The following ELOVL3 variants were observed in gnomAD, a reference collection of about 807,000 sequenced individuals.
ELOVL3 encodes ELOVL fatty acid elongase 3.
ELOVL3 carries 11 observed loss-of-function variants against 14.9 expected under a neutral mutation model. The ratio of observed to expected loss-of-function variants is 0.74; its 90% CI spans 0.46 to 1.22. ELOVL3 has a LOEUF of 1.22. ELOVL3 is among the 50% of genes most tolerant of loss of function. The pLI is 0.00. For missense variants in ELOVL3, 277 were observed against 338.9 expected (o/e 0.82, Z 1.43); for synonymous variants, 117 against 124.7 (o/e 0.94, Z 0.41).
At position 102,228,849 on chromosome 10, in the gene ELOVL3, G is replaced by C. The variant is rs149375895; in HGVS notation, c.410G>C (p.Arg137Pro). 1 of 1,612,952 alleles carries C rather than the reference G, an allele frequency of 6.2e-7. No individual in the cohort carries two copies. The highest frequency in any genetic ancestry group is 1.7e-5 in the Admixed American group (1 of 59,970). The change falls in exon 4 of 4, where the codon CGT (arginine) becomes CCT (proline). Residue 137 changes from arginine to proline, a missense_variant. By Grantham distance (103) the Arg-to-Pro change is moderately radical (BLOSUM62 -2). Transcript: ENST00000370005. ...GGAGACACAGCCTTCATCATCCTGC[G>C]TAAGCGGCCACTCATCTTTATTCAC... ...ELGDTAFIIL[R>P]KRPLIFIHWY...
At chr10:102,227,790 T>C in intron 2 of ELOVL3, 33 bp downstream of exon 2, 4 of 1,609,892 alleles carry the variant, frequency 2.5e-6, no homozygotes, top group Non-Finnish European at 3.4e-6. Context: ...GCCTCTTCTC[T>C]AGATCTTAGA....
Position 102,229,237 on chromosome 10 carries a change from G to A in ELOVL3, c.798G>A (p.Lys266=). The part of the protein sequence containing the change: ...QTYIRPKVKA[K]TKSQ Reference sequence around the variant, plus strand: ...ACATCAGGCCCAAGGTCAAAGCCAAGACCAAGAGCCAGTGAAGGTTTGGAG... The same window carrying A: ...ACATCAGGCCCAAGGTCAAAGCCAAAACCAAGAGCCAGTGAAGGTTTGGAG... Residue 266 remains lysine, a synonymous_variant, in exon 4 of 4, where the codon AAG becomes AAA. Transcript: ENST00000370005. 1 of 1,610,536 alleles carries A rather than the reference G, an allele frequency of 6.2e-7. No individual in the cohort carries two copies. Among genetic ancestry groups the A allele is most frequent in the Non-Finnish European group, 8.5e-7 (1 of 1,177,618 alleles).
upstream of ELOVL3, among the ~76,000 whole-genome samples, chr10:102,225,217 G>A (rs2070127853): frequency 2.0e-5 from 3 of 152,156 alleles, no homozygotes. Flanking sequence ...ATGAGGTACA[G>A]AGACAAAGAG....
Position 102,228,453 on chromosome 10 carries a change from G to T in ELOVL3, c.270G>T (p.Gly90=), listed in dbSNP as rs775586006. 3 of 1,614,084 alleles carry T rather than the reference G, an allele frequency of 1.9e-6. No homozygotes were observed. Among genetic ancestry groups the T allele is most frequent in the Non-Finnish European group, 2.5e-6 (3 of 1,180,000 alleles). Residue 90 remains glycine (G), a synonymous_variant, in exon 3 of 4, where the codon GGG becomes GGT. Coordinates refer to ENST00000370005, the MANE Select transcript of ELOVL3 (RefSeq NM_152310.3). The part of the protein sequence containing the change: ...LGAVRMWGIM[G]TVLLTGGLKQ... ...CAGTGAGGATGTGGGGCATTATGGG[G>T]ACTGTGCTACTTACCGGGGGCCTAA... is the stretch of plus-strand genomic sequence containing the variant.
rs2070179401 is a variant in ELOVL3, at chr10:102,229,410, G to A, written c.*158G>A. ...CTGGAATTTTTGACAGACAAGAAGG[G>A]TGACCTTGGGATGGGGGTGTGGTCT... On this transcript the variant is annotated 3_prime_UTR_variant, in exon 4 of 4. Coordinates refer to ENST00000370005, the MANE Select transcript of ELOVL3 (RefSeq NM_152310.3). The A allele has an allele frequency of 1.5e-6, 1 of 673,754 alleles. No individual in the cohort carries two copies. The highest frequency in any genetic ancestry group is 1.8e-5 in the African/African-American group (1 of 55,158). 41.7% of individuals were successfully genotyped at this position (673,754 alleles called of 1,614,324 possible).
chr10:102,226,504 C>A lies in ELOVL3; in HGVS notation c.-45C>A. ...CGCCATCCTCGGAGCCCCAGCCTTT[C>A]ACCCAGCGCCTCCAAGCTTTGGACC... On this transcript the variant is annotated 5_prime_UTR_variant, in exon 1 of 4. Transcript: ENST00000370005. The A allele has an allele frequency of 7.0e-7, 1 of 1,423,564 alleles. No individual in the cohort carries two copies. The highest frequency in any genetic ancestry group is 9.9e-7 in the Non-Finnish European group (1 of 1,008,196). 88.2% of individuals were successfully genotyped at this position (1,423,564 alleles called of 1,614,324 possible).
In ELOVL3 at chr10:102,229,052, C is replaced by T. The variant is rs2133792049; in HGVS notation, c.613C>T (p.Leu205=). The T allele has an allele frequency of 6.2e-7, 1 of 1,614,232 alleles. No individual in the cohort carries two copies. The highest frequency in any genetic ancestry group is 8.5e-7 in the Non-Finnish European group (1 of 1,180,042). ...PKMLPMLITS[L]QILQMFVGAI... ...GATGCTGCCCATGCTCATCACCAGC[C>T]TGCAGATCTTGCAGATGTTTGTAGG... Residue 205 remains leucine, a synonymous_variant, in exon 4 of 4, where the codon CTG becomes TTG. Coordinates refer to ENST00000370005, the MANE Select transcript of ELOVL3 (RefSeq NM_152310.3).
chr10:102,228,270 A>T, intron 2 of ELOVL3, 147 bp from the exon 3 acceptor site: 1 of 712,016 alleles, frequency 1.4e-6, no homozygotes, highest in Non-Finnish European at 2.3e-6. Context: ...GATTGGCTTC[A>T]GGATCTCAGG....
chr10:102,227,868 A>G lies in ELOVL3; in HGVS notation c.233+111A>G. The G allele has an allele frequency of 5.7e-6, 7 of 1,228,388 alleles. No homozygotes were observed. The South Asian group carries it at 9.5e-5, about 17-fold the overall frequency. The allele number at this position is 1,228,388 out of a possible 1,614,324, so 76.1% of individuals were successfully genotyped here. The stretch of plus-strand genomic sequence containing the variant: ...CCATCCTGTCCCCAAGTTGCCTTGT[A>G]ACACTCTCCCCATCTCATTCTCGGC... On this transcript the variant is annotated intron_variant, in intron 2 of 3. Transcript: ENST00000370005.
chr10:102,228,435 G>T lies in ELOVL3; in HGVS notation c.252G>T (p.Arg84Ser). The T allele has an allele frequency of 6.2e-7, 1 of 1,614,110 alleles. No individual in the cohort carries two copies. The highest frequency in any genetic ancestry group is 8.5e-7 in the Non-Finnish European group (1 of 1,180,004). Reference sequence around the variant, plus strand: ...ATTTCAGTATCCTGGGGGCAGTGAGGATGTGGGGCATTATGGGGACTGTGC... The same window carrying T: ...ATTTCAGTATCCTGGGGGCAGTGAGTATGTGGGGCATTATGGGGACTGTGC... ...LAIFSILGAVRMWGIMGTVLL... is the reference protein window; with the variant it reads ...LAIFSILGAVSMWGIMGTVLL... Residue 84 changes from arginine (R) to serine (S), a missense_variant, in exon 3 of 4, where the codon AGG (arginine) becomes AGT (serine). Transcript: ENST00000370005.
upstream of ELOVL3, among the ~76,000 whole-genome samples, chr10:102,226,084 T>C (rs1247884813): frequency 1.3e-5 from 2 of 151,936 alleles, no homozygotes; most frequent in Non-Finnish European, 2.9e-5. Context: ...GGTTGACAGT[T>C]CCAAGGGAAC....
intron 1 of ELOVL3, among the ~76,000 whole-genome samples, chr10:102,227,113 G>C (rs578245115): frequency 6.6e-6 from 1 of 152,208 alleles, no homozygotes; most frequent in Non-Finnish European, 1.5e-5. Flanking sequence ...CTTTCCCCAG[G>C]AAGAGCTCTC....
chr10:102,226,815 CAA>C (rs1435910149), intron 1 of ELOVL3, among the ~76,000 whole-genome samples, 166 bp downstream of exon 1: 2 of 151,716 alleles, frequency 1.3e-5, no homozygotes, highest in Non-Finnish European at 2.9e-5. Flanking sequence ...TGTGGCACCT[CAA>C]AGAGATTAGA....
chr10:102,228,645 T>C (rs987247784), intron 3 of ELOVL3, 77 bp downstream of exon 3: 1 of 1,549,280 alleles, frequency 6.5e-7, no homozygotes, highest in Admixed American at 1.7e-5. Context: ...ACCCATCCCA[T>C]GGAGGGTCTC....
In ELOVL3 at chr10:102,228,751, C is replaced by A. The variant is rs906254505; in HGVS notation, c.386-74C>A. ...CCTTCCCTCCCCTGAGAATTTCTCC[C>A]GTGTCCCTACATCCAGTGCAGAGGG... On this transcript the variant is annotated intron_variant, in intron 3 of 3. Coordinates refer to ENST00000370005, the MANE Select transcript of ELOVL3 (RefSeq NM_152310.3). 4.7e-6 allele frequency: 7 copies of A among 1,486,138 alleles called. No individual in the cohort carries two copies. The South Asian group carries it at 5.1e-5, about 11-fold the overall frequency. The allele number at this position is 1,486,138 out of a possible 1,614,324, so 92.1% of individuals were successfully genotyped here.
chr10:102,228,841 C>T lies in ELOVL3; in HGVS notation c.402C>T (p.Ile134=), dbSNP rs748565532. 8.1e-6 allele frequency: 13 copies of T among 1,611,278 alleles called. No homozygotes were observed. The highest frequency in any genetic ancestry group is 1.1e-5 in the Non-Finnish European group (13 of 1,178,052). The change falls in exon 4 of 4, where the codon ATC becomes ATT. Residue 134 remains isoleucine, a synonymous_variant. Coordinates refer to ENST00000370005, the MANE Select transcript of ELOVL3 (RefSeq NM_152310.3). ...KVIELGDTAF[I]ILRKRPLIFI... is the part of the protein sequence containing the mutation. ...ATCTCCCAGGAGACACAGCCTTCATCATCCTGCGTAAGCGGCCACTCATCT... is the reference window on the plus strand; with the variant it reads ...ATCTCCCAGGAGACACAGCCTTCATTATCCTGCGTAAGCGGCCACTCATCT...
At position 102,228,540 on chromosome 10, in the gene ELOVL3, C is replaced by T. The variant is rs1389098550; in HGVS notation, c.357C>T (p.Val119=). 2 of 1,614,132 alleles carry T rather than the reference C, an allele frequency of 1.2e-6. No individual in the cohort carries two copies. The highest frequency in any genetic ancestry group is 1.7e-6 in the Non-Finnish European group (2 of 1,180,012). The change falls in exon 3 of 4, where the codon GTC becomes GTT. Residue 119 remains valine, a synonymous_variant. Transcript: ENST00000370005. ...DNSTVKFWSW[V]FLLSKVIELG... ...CCACAGTCAAATTCTGGTCCTGGGT[C>T]TTTCTTCTCAGCAAGGTCATAGAAC...
chr10:102,226,450 G>C lies in ELOVL3; in HGVS notation c.-99G>C. ...TTTGCCCAGGAGTTCCTTCTGTCCCGGCTCTGTTCCGTCTCGCCCCGAGGT... is the reference window on the plus strand; with the variant it reads ...TTTGCCCAGGAGTTCCTTCTGTCCCCGCTCTGTTCCGTCTCGCCCCGAGGT... On this transcript the variant is annotated 5_prime_UTR_variant, in exon 1 of 4. Coordinates refer to ENST00000370005, the MANE Select transcript of ELOVL3 (RefSeq NM_152310.3). 1.2e-5 allele frequency: 10 copies of C among 804,092 alleles called. No individual in the cohort carries two copies. In the South Asian group the frequency reaches 1.6e-4, roughly 13 times the overall value. The allele number at this position is 804,092 out of a possible 1,614,324, so 49.8% of individuals were successfully genotyped here.
Position 102,228,556 on chromosome 10 carries a change from G to A in ELOVL3, c.373G>A (p.Val125Ile). Residue 125 changes from valine (V) to isoleucine (I), a missense_variant, in exon 3 of 4, where the codon GTC becomes ATC. Val to Ile is a conservative substitution (Grantham distance 29). Coordinates refer to ENST00000370005, the MANE Select transcript of ELOVL3 (RefSeq NM_152310.3). ...GTCCTGGGTCTTTCTTCTCAGCAAG[G>A]TCATAGAACTCGGTGAGTGGCAAAG... Reference protein sequence around the residue: ...FWSWVFLLSKVIELGDTAFII... With the variant: ...FWSWVFLLSKIIELGDTAFII... 6.2e-7 allele frequency: 1 copy of A among 1,614,094 alleles called. No homozygotes were observed. Among genetic ancestry groups the A allele is most frequent in the South Asian group, 1.1e-5 (1 of 91,072 alleles).
Sources: gnomAD v4.1 joint callset for allele counts (sites outside exome capture counted in the v4.1 genomes callset) on GRCh38, gnomAD v4.1.1 for gene constraint, MANE v1.5 for transcripts, NCBI Gene and HGNC (gene_info 2026-07-23, HGNC 2026-07-21) for gene names.